TRABD2B: variants seen among roughly 807,000 people sequenced by gnomAD.
The protein encoded by TRABD2B is metalloprotease TIKI2.
TRABD2B carries 14 observed loss-of-function variants against 40.1 expected under a neutral mutation model. The observed-to-expected ratio is 0.35, with a 90% CI of 0.23 to 0.55. The LOEUF is 0.55. TRABD2B is among the 20% of genes least tolerant of loss of function. The pLI is 0.90. For synonymous variants in TRABD2B, 263 were observed against 277.0 expected (o/e 0.95, Z 0.50); for missense variants, 541 against 648.6 (o/e 0.83, Z 1.80).
chr1:47,892,656 G>A (rs1644464099), intron 2 of TRABD2B, among the ~76,000 whole-genome samples: 1 of 152,226 alleles, frequency 6.6e-6, no homozygotes, highest in African/African-American at 2.4e-5. Flanking sequence ...GAGGTAGGAT[G>A]AGTGAAGGAC....
At chr1:47,811,375 C>T (rs1570011078) in intron 2 of TRABD2B, among the ~76,000 whole-genome samples, 1 of 152,226 alleles carries the variant, frequency 6.6e-6, no homozygotes, top group Non-Finnish European at 1.5e-5. Context: ...ACACCTCCAT[C>T]TGCCCTGCAG....
chr1:47,806,760 T>C (rs1246414195), intron 2 of TRABD2B, among the ~76,000 whole-genome samples: 1 of 152,152 alleles, frequency 6.6e-6, no homozygotes, highest in Non-Finnish European at 1.5e-5. Context: ...TGTTCCAGAG[T>C]AGTCCTGTAA....
intron 2 of TRABD2B, among the ~76,000 whole-genome samples, chr1:47,893,124 GGT>G (rs1644471993): frequency 6.6e-6 from 1 of 152,112 alleles, no homozygotes; most frequent in East Asian, 1.9e-4. Flanking sequence ...TCAGCTGGTG[GGT>G]GTGTTTCATC....
intron 2 of TRABD2B, among the ~76,000 whole-genome samples, chr1:47,993,745 T>C (rs1316895659): frequency 1.3e-5 from 2 of 152,322 alleles, no homozygotes; most frequent in East Asian, 1.9e-4. Context: ...GGGAAATTCT[T>C]TCTGCCCAGG....
intron 2 of TRABD2B, among the ~76,000 whole-genome samples, chr1:47,959,183 T>A (rs951476062): frequency 1.3e-5 from 2 of 151,946 alleles, no homozygotes; most frequent in African/African-American, 4.8e-5. Flanking sequence ...AGAAACAACA[T>A]AACAGAATCT....
At chr1:47,867,722 T>C (rs1644080489) in intron 2 of TRABD2B, among the ~76,000 whole-genome samples, 1 of 151,890 alleles carries the variant, frequency 6.6e-6, no homozygotes. Context: ...GAAAAAAAAA[T>C]GATGCACTCA....
intron 2 of TRABD2B, among the ~76,000 whole-genome samples, chr1:47,872,636 A>G (rs1644161371): frequency 6.6e-6 from 1 of 152,190 alleles, no homozygotes; most frequent in Admixed American, 6.5e-5. Flanking sequence ...AAGTAAGGCC[A>G]AGGAAGAGTC....
intron 2 of TRABD2B, among the ~76,000 whole-genome samples, chr1:47,839,575 G>A (rs1324275494): frequency 6.6e-6 from 1 of 152,186 alleles, no homozygotes; most frequent in African/African-American, 2.4e-5. Flanking sequence ...CCTGCAGCCA[G>A]AGGGAATTTA....
chr1:47,811,287 C>A (rs572738882), intron 2 of TRABD2B, among the ~76,000 whole-genome samples: 2 of 152,204 alleles, frequency 1.3e-5, no homozygotes, highest in South Asian at 4.2e-4. Context: ...CCACCCAGTG[C>A]CCAGCCACAA....
chr1:47,911,754 C>T (rs1029606885), intron 2 of TRABD2B, among the ~76,000 whole-genome samples: 2 of 152,202 alleles, frequency 1.3e-5, no homozygotes, highest in Non-Finnish European at 2.9e-5. Context: ...TCCACCAGGA[C>T]GGGCTACATA....
intron 2 of TRABD2B, among the ~76,000 whole-genome samples, chr1:47,982,501 C>T (rs898174658): frequency 1.3e-5 from 2 of 152,160 alleles, no homozygotes; most frequent in African/African-American, 4.8e-5. Flanking sequence ...CAACTCCAGT[C>T]CAGTTTCTTC....
intron 2 of TRABD2B, among the ~76,000 whole-genome samples, chr1:47,987,698 C>T (rs1645939150): frequency 6.6e-6 from 1 of 152,168 alleles, no homozygotes; most frequent in Admixed American, 6.5e-5. Flanking sequence ...TCACAAACAG[C>T]CCTCTGGGCA....
intron 2 of TRABD2B, among the ~76,000 whole-genome samples, chr1:47,989,812 A>AT (rs1209833927): frequency 1.3e-5 from 2 of 152,038 alleles, no homozygotes; most frequent in African/African-American, 4.8e-5. Flanking sequence ...ATGTCATCTA[A>AT]TAAAAACCAG....
chr1:47,895,490 C>G (rs185974842), intron 2 of TRABD2B, among the ~76,000 whole-genome samples: 4 of 152,270 alleles, frequency 2.6e-5, no homozygotes, highest in African/African-American at 9.6e-5. Flanking sequence ...AGAAAGGCTC[C>G]TTGTTGAGGA....
In TRABD2B at chr1:47,771,031, T is replaced by C. The variant is rs74841179; in HGVS notation, c.1349+4139A>G. On this transcript the variant is annotated intron_variant, in intron 6 of 6. Transcript: ENST00000606738. Reference sequence around the variant, plus strand: ...CCTGAATTTGTCTGTTTTTATTCATTGGATGATCCTGCTTCTCATTCTCAT... The same window carrying C: ...CCTGAATTTGTCTGTTTTTATTCATCGGATGATCCTGCTTCTCATTCTCAT... Among the ~76,000 whole-genome samples, 588 of 152,344 alleles carry C rather than the reference T, an allele frequency of 3.9e-3. 2 individuals are homozygous for C. Among genetic ancestry groups the C allele is most frequent in the African/African-American group, 0.013 (553 of 41,594 alleles).
intron 4 of TRABD2B, among the ~76,000 whole-genome samples, chr1:47,787,835 A>G (rs532113123): frequency 8.1e-4 from 123 of 152,304 alleles, no homozygotes; most frequent in Non-Finnish European, 1.4e-3. Context: ...CTTAGTGCTC[A>G]GGGAGTGGAC....
intron 2 of TRABD2B, among the ~76,000 whole-genome samples, chr1:47,880,363 T>C (rs17425349): frequency 0.024 from 3,581 of 152,256 alleles, 115 homozygotes; most frequent in Admixed American, 0.094. Context: ...CAGAAATGAA[T>C]TGATCATCAA....
chr1:47,859,897 A>G (rs1643942093), intron 2 of TRABD2B, among the ~76,000 whole-genome samples: 1 of 152,184 alleles, frequency 6.6e-6, no homozygotes, highest in South Asian at 2.1e-4. Flanking sequence ...TCATGAGCTC[A>G]CTTAGCCCTT....
intron 2 of TRABD2B, among the ~76,000 whole-genome samples, chr1:47,903,495 G>A (rs926267584): frequency 6.6e-6 from 1 of 152,136 alleles, no homozygotes; most frequent in African/African-American, 2.4e-5. Flanking sequence ...TGTCTGCACT[G>A]TGTCTGTGCC....
Sources: gnomAD v4.1 joint callset for allele counts (sites outside exome capture counted in the v4.1 genomes callset) on GRCh38, gnomAD v4.1.1 for gene constraint, MANE v1.5 for transcripts, NCBI Gene and HGNC (gene_info 2026-07-23, HGNC 2026-07-21) for gene names.